The following DNAAF6 variants were observed in gnomAD, a reference collection of about 807,000 sequenced individuals.
The protein encoded by DNAAF6 is dynein axonemal assembly factor 6, also known as PIH1 domain containing 3.
DNAAF6 carries 3 observed loss-of-function variants against 13.7 expected under a neutral mutation model. The observed-to-expected ratio is 0.22, with a 90% CI of 0.10 to 0.56. The LOEUF (loss-of-function observed/expected upper bound fraction) is 0.56. Among genes scored for constraint, DNAAF6 ranks in the 20% least tolerant of loss-of-function variants. DNAAF6 has a pLI of 0.92. For synonymous variants in DNAAF6, 54 were observed against 49.2 expected, an observed-to-expected ratio of 1.10 and a Z score of -0.41; for missense variants, 130 against 151.0, an observed-to-expected ratio of 0.86 and a Z score of 0.73.
intron 5 of DNAAF6, 88 bp from the exon 6 acceptor site, chrX:107,238,831 ATAT>A: frequency 1.7e-6 from 2 of 1,143,478 alleles, no homozygotes; most frequent in Non-Finnish European, 2.3e-6. Flanking sequence ...TTGACAATAA[ATAT>A]TAGTCTCTTT....
At chrX:107,239,954 T>A (rs938786018) in intron 6 of DNAAF6, among the ~76,000 whole-genome samples, 1 of 111,880 alleles carries the variant, frequency 8.9e-6, no homozygotes, top group Non-Finnish European at 1.9e-5. Flanking sequence ...GAAAATTGGT[T>A]AAATGAACAA....
rs1424553172 is a variant in DNAAF6, at chrX:107,243,668, CA to C, written c.*376del. 1.7e-5 allele frequency: 2 copies of C among 115,033 alleles called. No individual in the cohort carries two copies. Among genetic ancestry groups the C allele is most frequent in the African/African-American group, 6.5e-5 (2 of 30,694 alleles). The allele number at this position is 115,033 out of a possible 1,213,427, so 9.5% of individuals were successfully genotyped here. ...GCCTGTAATCCCAGCTACTCTGTCT[CA>C]AAAAACAAACAAAAAAAGGAAATAT... On this transcript the variant is annotated 3_prime_UTR_variant, in exon 7 of 7. Transcript: ENST00000372453.
In DNAAF6 at chrX:107,244,191, G is replaced by A. The variant is rs1025552325; in HGVS notation, c.*893G>A. 2.7e-5 allele frequency: 3 copies of A among 112,082 alleles called. No homozygotes were observed. Among genetic ancestry groups the A allele is most frequent in the African/African-American group, 9.7e-5 (3 of 30,824 alleles). 9.2% of individuals were successfully genotyped at this position (112,082 alleles called of 1,213,427 possible). On this transcript the variant is annotated 3_prime_UTR_variant, in exon 7 of 7. Transcript: ENST00000372453. ...GCCTTTTTGGGTACTGTATTTATAT[G>A]TAGTCAATTGAAATCCTTGACTTTA...
chrX:107,231,544 T>C (rs1405212171), intron 5 of DNAAF6, among the ~76,000 whole-genome samples: 1 of 111,711 alleles, frequency 9.0e-6, no homozygotes, highest in African/African-American at 3.3e-5. Context: ...GAAGATCATA[T>C]GATTTTTTTA....
intron 5 of DNAAF6, among the ~76,000 whole-genome samples, chrX:107,235,571 C>T (rs1463830461): frequency 4.5e-5 from 5 of 111,011 alleles, no homozygotes; most frequent in Admixed American, 1.9e-4. Flanking sequence ...GAGCTGAGGC[C>T]GCTTACAAAC....
Position 107,212,935 on chromosome X carries a change from T to C in DNAAF6, c.60T>C (p.Asn20=). 1.7e-6 allele frequency: 2 copies of C among 1,206,705 alleles called. No homozygotes were observed. The highest frequency in any genetic ancestry group is 2.2e-6 in the Non-Finnish European group (2 of 893,346). The change falls in exon 2 of 7, where the codon AAT becomes AAC. Residue 20 remains asparagine, a synonymous_variant. Transcript: ENST00000372453. ...AGACAGAAAATATGGAATCTCAAAATGTAGACTTTGAGAGTGTTTCTTCAG... is the reference window on the plus strand; with the variant it reads ...AGACAGAAAATATGGAATCTCAAAACGTAGACTTTGAGAGTGTTTCTTCAG... ...NMKTENMESQ[N]VDFESVSSVT...
chrX:107,236,200 G>T (rs1356299957), intron 5 of DNAAF6, among the ~76,000 whole-genome samples: 1 of 111,740 alleles, frequency 8.9e-6, no homozygotes, highest in African/African-American at 3.2e-5. Context: ...GATTCCAAAG[G>T]TTGAGTTCTC....
At chrX:107,235,907 A>G (rs1229485102) in intron 5 of DNAAF6, among the ~76,000 whole-genome samples, 2 of 111,122 alleles carry the variant, frequency 1.8e-5, no homozygotes, top group African/African-American at 6.5e-5. Flanking sequence ...TGGGAGGATC[A>G]CTTGAGCCCG....
At chrX:107,208,578 C>T (rs1170055517) in intron 1 of DNAAF6, among the ~76,000 whole-genome samples, 2 of 107,654 alleles carry the variant, frequency 1.9e-5, no homozygotes, top group Non-Finnish European at 3.9e-5. Context: ...CGCTCTGTCG[C>T]CCAGGCTGGA....
chrX:107,225,465 C>T (rs1486473441), intron 5 of DNAAF6, among the ~76,000 whole-genome samples: 2 of 110,834 alleles, frequency 1.8e-5, no homozygotes, highest in African/African-American at 6.6e-5. Flanking sequence ...TTGTGCAGTT[C>T]GTCTCAATAT....
chrX:107,228,335 C>T (rs746634402), intron 5 of DNAAF6, among the ~76,000 whole-genome samples: 1 of 111,384 alleles, frequency 9.0e-6, no homozygotes, highest in Admixed American at 9.6e-5. Flanking sequence ...GAAGAGAAGC[C>T]AGCAAATATA....
chrX:107,236,461 G>GA (rs1490806852), intron 5 of DNAAF6, among the ~76,000 whole-genome samples: 1 of 111,469 alleles, frequency 9.0e-6, no homozygotes, highest in Non-Finnish European at 1.9e-5. Context: ...AGTATTGCTG[G>GA]AAAAATCTCA....
intron 5 of DNAAF6, among the ~76,000 whole-genome samples, chrX:107,236,710 A>G (rs1034902053): frequency 2.7e-5 from 3 of 112,344 alleles, no homozygotes; most frequent in African/African-American, 9.7e-5. Context: ...CAGAAATTGT[A>G]TCTATTTTTG....
At chrX:107,228,063 G>A (rs970159090) in intron 5 of DNAAF6, among the ~76,000 whole-genome samples, 3 of 111,710 alleles carry the variant, frequency 2.7e-5, no homozygotes, top group African/African-American at 9.8e-5. Flanking sequence ...AGAAACTCCC[G>A]ATTCCATGCA....
chrX:107,212,233 A>G (rs758303471), intron 1 of DNAAF6, among the ~76,000 whole-genome samples: 1 of 110,199 alleles, frequency 9.1e-6, no homozygotes, highest in Non-Finnish European at 1.9e-5. Context: ...TTCCTTCATA[A>G]CCTCCACTGT....
intron 5 of DNAAF6, among the ~76,000 whole-genome samples, chrX:107,229,696 T>C (rs1405592051): frequency 9.1e-6 from 1 of 109,987 alleles, no homozygotes; most frequent in African/African-American, 3.3e-5. Context: ...GGGCTTTGGA[T>C]TCATATAACT....
At chrX:107,228,940 C>A (rs1312929027) in intron 5 of DNAAF6, among the ~76,000 whole-genome samples, 1 of 108,853 alleles carries the variant, frequency 9.2e-6, no homozygotes, top group Admixed American at 9.9e-5. Flanking sequence ...ATATTATTGT[C>A]ATTTAGTATT....
intron 5 of DNAAF6, among the ~76,000 whole-genome samples, chrX:107,229,870 G>C (rs983059606): frequency 1.8e-5 from 2 of 110,026 alleles, no homozygotes; most frequent in African/African-American, 6.6e-5. Flanking sequence ...TGTATTTTTA[G>C]TAGAGACGGG....
chrX:107,216,586 A>G, intron 2 of DNAAF6, 85 bp from the exon 3 acceptor site: 1 of 618,758 alleles, frequency 1.6e-6, no homozygotes, highest in Non-Finnish European at 2.4e-6. Flanking sequence ...TTTTTATGGA[A>G]ATCCTATCAA....
Sources: gnomAD v4.1 joint callset for allele counts (sites outside exome capture counted in the v4.1 genomes callset) on GRCh38, gnomAD v4.1.1 for gene constraint, MANE v1.5 for transcripts, NCBI Gene and HGNC (gene_info 2026-07-23, HGNC 2026-07-21) for gene names.